Variants in SCHIP1 observed in about 807,000 individuals in gnomAD.
SCHIP1 encodes the protein schwannomin interacting protein 1, also known as schwannomin-interacting protein 1.
SCHIP1 carries 8 observed loss-of-function variants against 29.7 expected under a neutral mutation model. The ratio of observed to expected loss-of-function variants is 0.27; its 90% confidence interval spans 0.16 to 0.49. SCHIP1 has a LOEUF of 0.49. Ranked by LOEUF, SCHIP1 falls within the 20% of genes least tolerant of loss-of-function variation. The probability of loss-of-function intolerance (pLI) is 0.99; values close to 1 mark genes in which losing one functional copy is unlikely to be tolerated. For missense variants in SCHIP1, 193 were observed against 294.6 expected, an observed-to-expected ratio of 0.66 and a Z score of 2.52; for synonymous variants, 76 against 94.9, an observed-to-expected ratio of 0.80 and a Z score of 1.16.
chr3:159,687,090 A>G, the SCHIP1 span, among the ~76,000 whole-genome samples: 3 of 152,098 alleles, frequency 2.0e-5, no homozygotes, highest in Non-Finnish European at 4.4e-5. Context: ...GTACTTCTAG[A>G]AAACATAGAA....
chr3:159,707,780 A>G, the SCHIP1 span, among the ~76,000 whole-genome samples: 3 of 152,320 alleles, frequency 2.0e-5, no homozygotes, highest in Admixed American at 6.5e-5. Context: ...TGCAATCTTA[A>G]TGATTATTGG....
At chr3:159,509,377 G>C in the SCHIP1 span, among the ~76,000 whole-genome samples, 1 of 152,144 alleles carries the variant, frequency 6.6e-6, no homozygotes, top group Non-Finnish European at 1.5e-5. Context: ...ATGTGAGATA[G>C]GTTTCCTGAA....
the SCHIP1 span, among the ~76,000 whole-genome samples, chr3:159,348,877 T>A: frequency 1.3e-5 from 2 of 152,196 alleles, no homozygotes; most frequent in African/African-American, 4.8e-5. Context: ...TTTCTTTTCT[T>A]CAATACATAT....
chr3:159,664,174 A>G, the SCHIP1 span, among the ~76,000 whole-genome samples: 1 of 152,154 alleles, frequency 6.6e-6, no homozygotes, highest in Non-Finnish European at 1.5e-5. Context: ...CATTTCATTC[A>G]TCTCTCCCCA....
chr3:159,310,163 C>A, the SCHIP1 span, among the ~76,000 whole-genome samples: 1 of 152,116 alleles, frequency 6.6e-6, no homozygotes, highest in Non-Finnish European at 1.5e-5. Context: ...AGTCTTTCTG[C>A]CTGACCAGGG....
chr3:159,376,315 C>T, the SCHIP1 span, among the ~76,000 whole-genome samples: 1 of 152,260 alleles, frequency 6.6e-6, no homozygotes, highest in South Asian at 2.1e-4. Flanking sequence ...ACCTCAAGGA[C>T]TTTGTAAATA....
At chr3:159,472,020 GAC>G in the SCHIP1 span, among the ~76,000 whole-genome samples, 1 of 152,018 alleles carries the variant, frequency 6.6e-6, no homozygotes, top group African/African-American at 2.4e-5. Flanking sequence ...AATAAAGAAA[GAC>G]AATATTTACA....
At chr3:159,284,924 G>A in the SCHIP1 span, among the ~76,000 whole-genome samples, 1 of 152,084 alleles carries the variant, frequency 6.6e-6, no homozygotes, top group Non-Finnish European at 1.5e-5. Flanking sequence ...TAATTCAGTT[G>A]TGTTCTCGAT....
the SCHIP1 span, among the ~76,000 whole-genome samples, chr3:159,446,150 T>C: frequency 6.6e-6 from 1 of 152,070 alleles, no homozygotes; most frequent in Non-Finnish European, 1.5e-5. Context: ...ACCAGGTATA[T>C]GGGGTGCTAC....
the SCHIP1 span, among the ~76,000 whole-genome samples, chr3:159,717,254 C>T: frequency 1.3e-5 from 2 of 152,108 alleles, no homozygotes; most frequent in Non-Finnish European, 2.9e-5. Context: ...AAATTTATAG[C>T]ACTAAATGCC....
chr3:159,891,989 C>G, intron 5 of SCHIP1, 108 bp from the exon 7 acceptor site: 3 of 1,236,426 alleles, frequency 2.4e-6, no homozygotes, highest in Middle Eastern at 2.9e-4. Context: ...ACAAAAATAT[C>G]TTTCCTATTA....
the SCHIP1 span, among the ~76,000 whole-genome samples, chr3:159,545,990 GATGT>G: frequency 3.9e-5 from 6 of 151,962 alleles, no homozygotes; most frequent in African/African-American, 1.4e-4. Context: ...TATTTTATAA[GATGT>G]ATTTATAGGT....
At chr3:159,655,783 G>A in the SCHIP1 span, among the ~76,000 whole-genome samples, 1 of 152,180 alleles carries the variant, frequency 6.6e-6, no homozygotes, top group Non-Finnish European at 1.5e-5. Context: ...CAGCTACTCA[G>A]GAGGCTGAGG....
the SCHIP1 span, among the ~76,000 whole-genome samples, chr3:159,413,873 T>C: frequency 6.6e-6 from 1 of 152,184 alleles, no homozygotes; most frequent in Non-Finnish European, 1.5e-5. Flanking sequence ...TCAATATTTT[T>C]TATACTCAGA....
the SCHIP1 span, among the ~76,000 whole-genome samples, chr3:159,601,518 A>AGGTATGCAGAGGGGGAGGAGGG: frequency 2.0e-5 from 3 of 152,146 alleles, no homozygotes; most frequent in Non-Finnish European, 2.9e-5. Flanking sequence ...CAGTAGGATC[A>AGGTATGCAGAGGGGGAGGAGGG]GGTATGCAGA....
At chr3:159,527,736 GT>G in the SCHIP1 span, among the ~76,000 whole-genome samples, 792 of 152,246 alleles carry the variant, frequency 5.2e-3, 9 homozygotes, top group African/African-American at 0.018. Context: ...ATTTGGAGTA[GT>G]TTTTTTGTTT....
chr3:159,638,369 G>A, the SCHIP1 span, among the ~76,000 whole-genome samples: 2 of 152,136 alleles, frequency 1.3e-5, no homozygotes, highest in African/African-American at 4.8e-5. Context: ...TGGAGATCAA[G>A]GGTCTTATTA....
At chr3:159,566,509 T>C in the SCHIP1 span, among the ~76,000 whole-genome samples, 1 of 152,098 alleles carries the variant, frequency 6.6e-6, no homozygotes, top group South Asian at 2.1e-4. Flanking sequence ...ATGTTAATGA[T>C]AAGTGCTAAT....
chr3:159,303,403 T>C, the SCHIP1 span, among the ~76,000 whole-genome samples: 61 of 151,096 alleles, frequency 4.0e-4, no homozygotes, highest in Non-Finnish European at 7.4e-4. Flanking sequence ...GGAGCCCTTT[T>C]CCCTAATAGG....
Sources: allele counts gnomAD v4.1 joint callset (sites outside exome capture counted in the v4.1 genomes callset), GRCh38; gene constraint gnomAD v4.1.1; transcripts MANE v1.5; gene names NCBI Gene and HGNC (gene_info 2026-07-23, HGNC 2026-07-21).